The following SNTG2 variants were observed in gnomAD, a reference collection of about 807,000 sequenced individuals.
SNTG2 encodes the protein gamma-2-syntrophin.
SNTG2 carries 74 observed loss-of-function variants against 70.9 expected under a neutral mutation model. That is an observed-to-expected ratio of 1.04 (90% CI 0.86 to 1.27). The LOEUF (loss-of-function observed/expected upper bound fraction) is 1.27, where lower values mean the gene tolerates loss of function less well. Ranked by LOEUF, SNTG2 falls within the 50% of genes most tolerant of loss-of-function variation. The pLI, the probability that SNTG2 is intolerant of heterozygous loss-of-function variation, is 0.00. For missense variants in SNTG2, 717 were observed against 690.7 expected (o/e 1.04, Z -0.43); for synonymous variants, 278 against 273.8 (o/e 1.02, Z -0.15).
Position 1,234,854 on chromosome 2 carries a change from T to A in SNTG2, c.720-3034T>A, listed in dbSNP as rs192056751. On this transcript the variant is annotated intron_variant, in intron 9 of 16. Coordinates refer to ENST00000308624, the MANE Select transcript of SNTG2 (RefSeq NM_018968.4). ...ACCTCCAAAGGCAGAGTTAGGACTCTGGACTCAGATTCCTTCTCACCACTG... is the reference window on the plus strand; with the variant it reads ...ACCTCCAAAGGCAGAGTTAGGACTCAGGACTCAGATTCCTTCTCACCACTG... 7.9e-5 allele frequency among the ~76,000 whole-genome samples: 12 copies of A among 152,362 alleles called. No individual in the cohort carries two copies. The East Asian group carries it at 2.3e-3, about 29-fold the overall frequency.
At chr2:1,036,841 G>T (rs890573439) in intron 1 of SNTG2, among the ~76,000 whole-genome samples, 1 of 152,210 alleles carries the variant, frequency 6.6e-6, no homozygotes, top group Admixed American at 6.5e-5. Flanking sequence ...CTTGAGCTTA[G>T]TTCTTTCAGA....
At chr2:995,055 C>CT (rs2147981595) in intron 1 of SNTG2, among the ~76,000 whole-genome samples, 1 of 151,692 alleles carries the variant, frequency 6.6e-6, no homozygotes, top group South Asian at 2.1e-4. Context: ...AGTTTTAGTT[C>CT]TTTTTTCCTC....
chr2:1,147,534 C>T (rs1241674457), intron 6 of SNTG2, among the ~76,000 whole-genome samples: 1 of 152,214 alleles, frequency 6.6e-6, no homozygotes, highest in East Asian at 1.9e-4. Flanking sequence ...AGACTGGCTT[C>T]CTTGCTCCTC....
At chr2:1,194,385 A>C (rs1364998499) in intron 8 of SNTG2, among the ~76,000 whole-genome samples, 2 of 152,176 alleles carry the variant, frequency 1.3e-5, no homozygotes, top group Non-Finnish European at 2.9e-5. Context: ...TACAGCTGTG[A>C]AAATCACATA....
At chr2:1,306,698 G>GTGTGTGTGTGTA (rs1680689561) in intron 14 of SNTG2, among the ~76,000 whole-genome samples, 1 of 151,740 alleles carries the variant, frequency 6.6e-6, no homozygotes, top group Non-Finnish European at 1.5e-5. Flanking sequence ...GTGTGTGTGT[G>GTGTGTGTGTGTA]TGTGTGTGTG....
At chr2:1,275,081 A>G (rs1043610109) in intron 14 of SNTG2, among the ~76,000 whole-genome samples, 1 of 152,136 alleles carries the variant, frequency 6.6e-6, no homozygotes, top group Non-Finnish European at 1.5e-5. Context: ...AAACTAATTC[A>G]TTCCTGAAAA....
chr2:1,365,008 T>C (rs1661402108), intron 16 of SNTG2, among the ~76,000 whole-genome samples: 1 of 152,226 alleles, frequency 6.6e-6, no homozygotes, highest in East Asian at 1.9e-4. Context: ...TAATTGCTAT[T>C]TGGAAACACA....
At chr2:1,135,360 T>C (rs1454568021) in intron 4 of SNTG2, among the ~76,000 whole-genome samples, 4 of 152,192 alleles carry the variant, frequency 2.6e-5, no homozygotes, top group African/African-American at 7.2e-5. Flanking sequence ...TGCGTCTTCA[T>C]TGACCTTCAT....
intron 1 of SNTG2, among the ~76,000 whole-genome samples, chr2:995,177 A>G (rs529021992): frequency 2.0e-5 from 3 of 152,076 alleles, no homozygotes; most frequent in African/African-American, 4.8e-5. Flanking sequence ...CTTTCTTCCT[A>G]TGTATATTGT....
rs1659937364 is a variant in SNTG2 at position 951,043 on chromosome 2, A to G, written c.47A>G (p.Gln16Arg). ...PPPPAASRGR[Q>R]GCLLVPARTK... is the part of the protein sequence containing the mutation. ...CCCCCGGCCGCCTCCCGCGGACGCC[A>G]GGGCTGCCTGCTGGTACCTGCGCGG... Residue 16 changes from glutamine to arginine, a missense_variant, in exon 1 of 17, where the codon CAG becomes CGG. By Grantham distance (43) the Gln-to-Arg change is conservative (BLOSUM62 1). Coordinates refer to ENST00000308624, the MANE Select transcript of SNTG2 (RefSeq NM_018968.4). 7.9e-7 allele frequency: 1 copy of G among 1,270,614 alleles called. No homozygotes were observed. The highest frequency in any genetic ancestry group is 9.9e-7 in the Non-Finnish European group (1 of 1,011,200). The allele number at this position is 1,270,614 out of a possible 1,614,324, so 78.7% of individuals were successfully genotyped here. A position where few individuals can be genotyped will look rare whatever the true frequency, so the allele number is the denominator to read the frequency against.
intron 16 of SNTG2, among the ~76,000 whole-genome samples, chr2:1,335,792 A>G (rs1432844824): frequency 6.6e-6 from 1 of 151,976 alleles, no homozygotes; most frequent in Non-Finnish European, 1.5e-5. Context: ...TATGAGATGG[A>G]TGTTCACACT....
chr2:1,135,644 C>G (rs1236912373), intron 4 of SNTG2, among the ~76,000 whole-genome samples: 1 of 152,176 alleles, frequency 6.6e-6, no homozygotes, highest in Non-Finnish European at 1.5e-5. Flanking sequence ...ATCGCTTGAA[C>G]CCAGGAGGCA....
chr2:983,327 T>C (rs1041950381), intron 1 of SNTG2, among the ~76,000 whole-genome samples: 2 of 150,006 alleles, frequency 1.3e-5, no homozygotes, highest in African/African-American at 5.0e-5. Flanking sequence ...ATGAAGAAGC[T>C]GCAGAGGTGG....
chr2:1,173,751 C>T (rs571769297), intron 8 of SNTG2, among the ~76,000 whole-genome samples: 12 of 152,308 alleles, frequency 7.9e-5, no homozygotes, highest in African/African-American at 2.4e-4. Flanking sequence ...TCCTCAGAAG[C>T]CTGGGCTCTG....
At chr2:1,052,879 C>T (rs1488640559) in intron 1 of SNTG2, among the ~76,000 whole-genome samples, 3 of 152,226 alleles carry the variant, frequency 2.0e-5, no homozygotes, top group African/African-American at 2.4e-5. Context: ...TGCAGCTGCA[C>T]TTCACAGGTT....
intron 1 of SNTG2, among the ~76,000 whole-genome samples, chr2:1,020,906 A>G (rs994932108): frequency 1.3e-5 from 2 of 152,232 alleles, no homozygotes; most frequent in African/African-American, 2.4e-5. Flanking sequence ...TAATAGCTTT[A>G]GCATTTAATG....
intron 1 of SNTG2, among the ~76,000 whole-genome samples, chr2:962,588 A>T (rs1210611054): frequency 6.6e-6 from 1 of 152,256 alleles, no homozygotes; most frequent in South Asian, 2.1e-4. Flanking sequence ...TATCCATGGT[A>T]CAAATAGAAT....
chr2:1,142,099 ACT>A (rs1303611590), intron 6 of SNTG2, among the ~76,000 whole-genome samples: 2 of 151,952 alleles, frequency 1.3e-5, no homozygotes, highest in East Asian at 1.9e-4. Context: ...CTGGGAACTG[ACT>A]CTCTCCCTGA....
chr2:974,959 T>G (rs1660861499), intron 1 of SNTG2, among the ~76,000 whole-genome samples: 3 of 152,224 alleles, frequency 2.0e-5, no homozygotes, highest in Non-Finnish European at 4.4e-5. Context: ...CCTTGTATTT[T>G]ATTAATTCTG....
Sources: gnomAD v4.1 joint callset for allele counts (sites outside exome capture counted in the v4.1 genomes callset) on GRCh38, gnomAD v4.1.1 for gene constraint, MANE v1.5 for transcripts, NCBI Gene and HGNC (gene_info 2026-07-23, HGNC 2026-07-21) for gene names.